The following AZIN2 variants were observed in gnomAD, a reference collection of about 807,000 sequenced individuals.
The protein encoded by AZIN2 is antizyme inhibitor 2, also known as ODC antizyme inhibitor-2.
A neutral mutation model predicts 47.8 loss-of-function variants in AZIN2; 28 were observed. The ratio of observed to expected loss-of-function variants is 0.59; its 90% CI spans 0.43 to 0.80. AZIN2 has a LOEUF of 0.80. Among genes scored for constraint, AZIN2 ranks in the 30% least tolerant of loss-of-function variants. The probability of loss-of-function intolerance (pLI) is 0.00; values close to 1 mark genes in which losing one functional copy is unlikely to be tolerated. For synonymous variants in AZIN2, 221 were observed against 239.4 expected (o/e 0.92, Z 0.71); for missense variants, 535 against 582.5 (o/e 0.92, Z 0.84).
the AZIN2 span, chr1:33,147,498 G>C: frequency 1.2e-6 from 2 of 1,613,008 alleles, no homozygotes; most frequent in Non-Finnish European, 1.7e-6. The surrounding 1 kb of genome is among the most constrained non-coding windows in gnomAD (Gnocchi z 8.1). Flanking sequence ...TTGCGGCTTC[G>C]TGTGCCAGCC....
the AZIN2 span, among the ~76,000 whole-genome samples, chr1:33,136,496 G>C: frequency 9.2e-5 from 14 of 151,918 alleles, no homozygotes; most frequent in African/African-American, 3.4e-4. Context: ...AGCCTACCGA[G>C]TAGCTGGGAC....
At chr1:33,136,975 C>T in the AZIN2 span, among the ~76,000 whole-genome samples, 27 of 149,318 alleles carry the variant, frequency 1.8e-4, no homozygotes, top group East Asian at 4.4e-3. Context: ...CCAGCCTGGG[C>T]GACAGAGCAA....
At chr1:33,143,524 TCAGA>T in the AZIN2 span, among the ~76,000 whole-genome samples, 3 of 152,096 alleles carry the variant, frequency 2.0e-5, no homozygotes, top group African/African-American at 7.2e-5. Flanking sequence ...CTGCTCTCCA[TCAGA>T]CAATCAGAGA....
the AZIN2 span, among the ~76,000 whole-genome samples, chr1:33,136,249 CTCTT>C: frequency 4.7e-5 from 7 of 149,702 alleles, no homozygotes; most frequent in Non-Finnish European, 8.9e-5. Context: ...TTTCCTTTCT[CTCTT>C]TCTTTTTCTT....
At chr1:33,127,914 C>T (rs1357954111), downstream of AZIN2, among the ~76,000 whole-genome samples, 1 of 152,110 alleles carries the variant, frequency 6.6e-6, no homozygotes, top group East Asian at 1.9e-4. Context: ...GTCTTAATGA[C>T]AAGGACTCCT....
intron 11 of AZIN2, chr1:33,119,806 A>C (rs1323207355): frequency 8.6e-6 from 5 of 582,768 alleles, no homozygotes; most frequent in Non-Finnish European, 1.5e-5. Context: ...AGTGCCTGGC[A>C]TGATGTCTGG....
At chr1:33,164,554 A>C in the AZIN2 span, 1 of 152,274 alleles carries the variant, frequency 6.6e-6, no homozygotes, top group Non-Finnish European at 1.5e-5. Flanking sequence ...TGGGATCAGA[A>C]CCCATGTCCT....
In AZIN2 at chr1:33,122,435, G is replaced by A. The variant is rs1277252869; in HGVS notation, c.*2253G>A. Among the ~76,000 whole-genome samples, 1 of 144,044 alleles carries A rather than the reference G, an allele frequency of 6.9e-6. No individual in the cohort carries two copies. The allele number at this position is 144,044 out of a possible 152,430, so 94.5% of individuals were successfully genotyped here. A position where few individuals can be genotyped will look rare whatever the true frequency, so the allele number is the denominator to read the frequency against. Reference sequence around the variant, plus strand: ...AAAGATACACGCAGAACTTGATGTGGCTTACTTGAGGATAATAGTTAATAG... The same window carrying A: ...AAAGATACACGCAGAACTTGATGTGACTTACTTGAGGATAATAGTTAATAG... On this transcript the variant is annotated 3_prime_UTR_variant, in exon 12 of 12. Coordinates refer to ENST00000294517, the MANE Select transcript of AZIN2 (RefSeq NM_052998.4).
the AZIN2 span, chr1:33,147,840 G>T: frequency 3.4e-6 from 4 of 1,188,370 alleles, no homozygotes; most frequent in African/African-American, 4.6e-5. The surrounding 1 kb of genome is among the most constrained non-coding windows in gnomAD (Gnocchi z 8.1). Context: ...CCTCTGACCT[G>T]CTGTGTGACC....
chr1:33,115,657 C>T (rs1022151356), intron 10 of AZIN2, among the ~76,000 whole-genome samples: 3 of 152,102 alleles, frequency 2.0e-5, no homozygotes, highest in Admixed American at 6.5e-5. Context: ...GGGCTGAGAT[C>T]ACACCACTAC....
intron 10 of AZIN2, among the ~76,000 whole-genome samples, chr1:33,109,350 A>G (rs1198466472): frequency 3.6e-5 from 5 of 139,614 alleles, no homozygotes; most frequent in African/African-American, 1.3e-4. Flanking sequence ...TTTAAGTTAG[A>G]GTCTTGCTCT....
chr1:33,089,127 A>G (rs1642251480), intron 5 of AZIN2, among the ~76,000 whole-genome samples: 1 of 152,192 alleles, frequency 6.6e-6, no homozygotes, highest in African/African-American at 2.4e-5. Context: ...TGACAGTTAG[A>G]ATCCCATCTG....
At chr1:33,139,783 C>A in the AZIN2 span, among the ~76,000 whole-genome samples, 19 of 152,206 alleles carry the variant, frequency 1.2e-4, no homozygotes, top group East Asian at 3.3e-3. Context: ...AGGATGGGGG[C>A]AAGAGTGGGA....
chr1:33,081,156 T>G lies in AZIN2; in HGVS notation c.-544T>G. The G allele has an allele frequency of 6.6e-6, 1 of 150,604 alleles. No individual in the cohort carries two copies. 9.3% of individuals were successfully genotyped at this position (150,604 alleles called of 1,614,324 possible). A position where few individuals can be genotyped will look rare whatever the true frequency, so the allele number is the denominator to read the frequency against. On this transcript the variant is annotated 5_prime_UTR_variant, in exon 1 of 12. Transcript: ENST00000294517. The surrounding 1 kb of genome is among the most constrained non-coding windows in gnomAD (Gnocchi z 4.2). ...CCAGCGGCGGGCGGAAGGCGGGGCG[T>G]GGGGGTCTGTGGCTGCTGGGCTGGC... is the stretch of plus-strand genomic sequence containing the variant.
At chr1:33,151,034 G>T in the AZIN2 span, among the ~76,000 whole-genome samples, 1 of 152,224 alleles carries the variant, frequency 6.6e-6, no homozygotes, top group African/African-American at 2.4e-5. Flanking sequence ...GTACCCTCAA[G>T]CAGGTATAAG....
chr1:33,158,251 A>G, the AZIN2 span: 1 of 1,612,466 alleles, frequency 6.2e-7, no homozygotes, highest in Non-Finnish European at 8.5e-7. Flanking sequence ...CCCATGCCTT[A>G]CCTGGGTGGA....
intron 7 of AZIN2, 54 bp from the exon 8 acceptor site, chr1:33,094,494 G>A: frequency 6.4e-7 from 1 of 1,563,056 alleles, no homozygotes. Context: ...CTGGGGCTCA[G>A]GTGGTGGCAC....
chr1:33,119,640 G>A (rs1644724097), intron 11 of AZIN2: 1 of 199,920 alleles, frequency 5.0e-6, no homozygotes, highest in African/African-American at 2.3e-5. Flanking sequence ...TTTCGAGTGA[G>A]AGTTGGGTTC....
the AZIN2 span, among the ~76,000 whole-genome samples, chr1:33,144,104 G>A: frequency 4.0e-5 from 6 of 150,906 alleles, no homozygotes; most frequent in Admixed American, 3.3e-4. Flanking sequence ...ACATGCAAAC[G>A]TTGATATATG....
Sources: gnomAD v4.1 joint callset for allele counts (sites outside exome capture counted in the v4.1 genomes callset) on GRCh38, gnomAD v4.1.1 for gene constraint, Gnocchi (gnomAD v3.1) non-coding constraint, MANE v1.5 for transcripts, NCBI Gene and HGNC (gene_info 2026-07-23, HGNC 2026-07-21) for gene names.